FAM107A: variants seen among roughly 807,000 people sequenced by gnomAD.
FAM107A encodes family with sequence similarity 107 member A, also known as actin-associated protein FAM107A.
A neutral mutation model predicts 13.7 loss-of-function variants in FAM107A; 19 were observed. The ratio of observed to expected loss-of-function variants is 1.38; its 90% CI spans 0.97 to 2.03. The LOEUF (loss-of-function observed/expected upper bound fraction) is 2.03. Among genes scored for constraint, FAM107A ranks in the 30% most tolerant of loss-of-function variants. FAM107A has a pLI of 0.00. For missense variants in FAM107A, 203 were observed against 184.4 expected (o/e 1.10, Z -0.58); for synonymous variants, 82 against 74.5 (o/e 1.10, Z -0.52).
At chr3:58,626,798 C>T (rs891352976) in intron 1 of FAM107A, among the ~76,000 whole-genome samples, 1 of 152,176 alleles carries the variant, frequency 6.6e-6, no homozygotes, top group Non-Finnish European at 1.5e-5. Context: ...ACTGGTTCTT[C>T]CCTGAGCCCT....
intron 1 of FAM107A, among the ~76,000 whole-genome samples, chr3:58,618,050 G>A (rs1300197687): frequency 1.3e-5 from 2 of 152,166 alleles, no homozygotes; most frequent in African/African-American, 4.8e-5. Flanking sequence ...CTTTGTGGCT[G>A]GGTTTGTGGT....
chr3:58,567,559 C>T (rs2063635394), intron 2 of FAM107A, among the ~76,000 whole-genome samples, 195 bp from the exon 3 acceptor site: 1 of 152,216 alleles, frequency 6.6e-6, no homozygotes, highest in Non-Finnish European at 1.5e-5. Context: ...GATACCAGTC[C>T]AAGACATAGC....
chr3:58,624,921 T>C (rs1413587136), intron 1 of FAM107A, among the ~76,000 whole-genome samples: 4 of 152,058 alleles, frequency 2.6e-5, no homozygotes, highest in Non-Finnish European at 1.5e-5. Flanking sequence ...CACCCTTGGC[T>C]CCAGCTCCAC....
chr3:58,580,913 GA>G (rs1424900434), upstream of FAM107A, among the ~76,000 whole-genome samples: 8 of 152,274 alleles, frequency 5.3e-5, no homozygotes, highest in South Asian at 2.1e-4. Context: ...ATGTGAGAAA[GA>G]GCAACATTTC....
chr3:58,589,174 C>A (rs183226031), upstream of FAM107A: 17 of 1,430,094 alleles, frequency 1.2e-5, no homozygotes, highest in Admixed American at 3.1e-4. Flanking sequence ...GGACTCTGGC[C>A]GCACCCAGGA....
rs545339094 is a variant in FAM107A, at chr3:58,616,165, C to T, written c.-70+11251G>A. ...ACCGGAGAGAAGAGGGGATCAGATT[C>T]AGAATTAAAGTAGCTCATTCTGGCT... On this transcript the variant is annotated intron_variant, in intron 1 of 3. Transcript: ENST00000465970. Among the ~76,000 whole-genome samples the T allele has an allele frequency of 3.3e-5, 5 of 152,190 alleles. No individual in the cohort carries two copies. The East Asian group carries it at 9.7e-4, about 29-fold the overall frequency.
intron 1 of FAM107A, among the ~76,000 whole-genome samples, chr3:58,597,211 A>G (rs1465878427): frequency 1.3e-5 from 2 of 152,216 alleles, no homozygotes; most frequent in Non-Finnish European, 1.5e-5. Context: ...TTGGGCAGAT[A>G]TCCAGCAGTG....
intron 1 of FAM107A, among the ~76,000 whole-genome samples, chr3:58,575,166 A>G (rs970279304): frequency 6.6e-6 from 1 of 152,212 alleles, no homozygotes; most frequent in Non-Finnish European, 1.5e-5. Context: ...CCAGTAAAGC[A>G]ATGGTTAAAG....
At chr3:58,597,032 C>T (rs2065712941) in intron 1 of FAM107A, among the ~76,000 whole-genome samples, 1 of 152,152 alleles carries the variant, frequency 6.6e-6, no homozygotes. Flanking sequence ...GTAGTTCATT[C>T]CTCTTGATTT....
At chr3:58,567,160 G>A (rs770666061) in intron 3 of FAM107A, 48 bp downstream of exon 3, 1 of 1,607,554 alleles carries the variant, frequency 6.2e-7, no homozygotes. Flanking sequence ...CCTCCCTGGA[G>A]GACAGCCCTG....
At position 58,617,592 on chromosome 3, in the gene FAM107A, C is replaced by A. The variant is rs2065915335; in HGVS notation, c.-70+9824G>T. Among the ~76,000 whole-genome samples, 1 of 152,162 alleles carries A rather than the reference C, an allele frequency of 6.6e-6. No individual in the cohort carries two copies. Among genetic ancestry groups the A allele is most frequent in the Admixed American group, 6.5e-5 (1 of 15,276 alleles). Reference sequence around the variant, plus strand: ...CTTGTTTATGTTAGTTTGGGAGACACAGTGTTCTGAAAGCCGATCCCTGGG... The same window carrying A: ...CTTGTTTATGTTAGTTTGGGAGACAAAGTGTTCTGAAAGCCGATCCCTGGG... On this transcript the variant is annotated intron_variant, in intron 1 of 3. Transcript: ENST00000465970. The surrounding 1 kb of genome is among the most constrained non-coding windows in gnomAD (Gnocchi z 4.5).
At chr3:58,575,483 T>C (rs2063723032) in intron 1 of FAM107A, among the ~76,000 whole-genome samples, 1 of 150,902 alleles carries the variant, frequency 6.6e-6, no homozygotes, top group Non-Finnish European at 1.5e-5. Context: ...CCCTGTTTTA[T>C]AGATGAGAAA....
At chr3:58,626,631 C>A (rs2066020583) in intron 1 of FAM107A, among the ~76,000 whole-genome samples, 1 of 152,160 alleles carries the variant, frequency 6.6e-6, no homozygotes, top group African/African-American at 2.4e-5. Context: ...TAAGATCTTT[C>A]CCCTGTATCC....
At chr3:58,620,012 T>C (rs2065938462) in intron 1 of FAM107A, among the ~76,000 whole-genome samples, 1 of 152,174 alleles carries the variant, frequency 6.6e-6, no homozygotes, top group Non-Finnish European at 1.5e-5. Flanking sequence ...TCTGCATGGA[T>C]CCTTCCATAA....
chr3:58,593,283 C>T (rs932881372), intron 1 of FAM107A, among the ~76,000 whole-genome samples: 14 of 152,282 alleles, frequency 9.2e-5, no homozygotes, highest in East Asian at 1.9e-4. Flanking sequence ...TAGGTCTATT[C>T]GTCCTTACCC....
chr3:58,619,932 G>T (rs2065937405), intron 1 of FAM107A, among the ~76,000 whole-genome samples: 1 of 152,084 alleles, frequency 6.6e-6, no homozygotes, highest in Non-Finnish European at 1.5e-5. Context: ...TAGAGACATT[G>T]GAGGGGAAGG....
Position 58,587,089 on chromosome 3 carries a change from G to T in FAM107A, c.-153C>A, listed in dbSNP as rs558463089. 1.6e-5 allele frequency: 22 copies of T among 1,369,610 alleles called. No individual in the cohort carries two copies. In the African/African-American group the frequency reaches 2.5e-4, roughly 15 times the overall value. 84.8% of individuals were successfully genotyped at this position (1,369,610 alleles called of 1,614,324 possible). A position where few individuals can be genotyped will look rare whatever the true frequency, so the allele number is the denominator to read the frequency against. The stretch of plus-strand genomic sequence containing the variant: ...AAGTTACGGCGGCGGCCGGAGGGGC[G>T]GGCGAGGAGACGCCGCCGGGGGAAG... On this transcript the variant is annotated 5_prime_UTR_variant, in exon 1 of 4. Transcript: ENST00000447756.
chr3:58,589,944 G>T (rs1376609943), upstream of FAM107A, among the ~76,000 whole-genome samples: 4 of 152,108 alleles, frequency 2.6e-5, no homozygotes, highest in African/African-American at 9.7e-5. Flanking sequence ...TACCTTCCTG[G>T]CAAAGTCCTC....
rs115580622 is a variant in FAM107A, at chr3:58,624,720, C to T, written c.-70+2696G>A. On this transcript the variant is annotated intron_variant, in intron 1 of 3. Transcript: ENST00000465970. ...TCCCCAGGGGACAAAGGTGAGTTCA[C>T]CTAAAAGCAAAGTCCAGACCTTGCC... 2.4e-3 allele frequency among the ~76,000 whole-genome samples: 365 copies of T among 151,606 alleles called. 1 individual carries two copies. The highest frequency in any genetic ancestry group is 8.2e-3 in the African/African-American group (339 of 41,300).
Sources: gnomAD v4.1 joint callset for allele counts (sites outside exome capture counted in the v4.1 genomes callset) on GRCh38, gnomAD v4.1.1 for gene constraint, Gnocchi (gnomAD v3.1) non-coding constraint, MANE v1.5 for transcripts, NCBI Gene and HGNC (gene_info 2026-07-23, HGNC 2026-07-21) for gene names.